Variants in LAMA2 observed in about 807,000 individuals in gnomAD.
The protein encoded by LAMA2 is laminin subunit alpha 2.
A neutral mutation model predicts 364.8 loss-of-function variants in LAMA2; 269 were observed. That is an observed-to-expected ratio of 0.74 (90% CI 0.67 to 0.82). The LOEUF (loss-of-function observed/expected upper bound fraction) is 0.82, where lower values mean the gene tolerates loss of function less well. Ranked by LOEUF, LAMA2 falls within the 40% of genes least tolerant of loss-of-function variation. The pLI, the probability that LAMA2 is intolerant of heterozygous loss-of-function variation, is 0.00. For missense variants in LAMA2, 3,807 were observed against 3,873.2 expected, an observed-to-expected ratio of 0.98 and a Z score of 0.45; for synonymous variants, 1,379 against 1,370.6, an observed-to-expected ratio of 1.01 and a Z score of -0.14.
At chr6:128,970,794 C>G (rs935090794) in intron 1 of LAMA2, among the ~76,000 whole-genome samples, 4 of 152,288 alleles carry the variant, frequency 2.6e-5, no homozygotes, top group Admixed American at 1.3e-4. Flanking sequence ...TCTACATGTA[C>G]TGCCTTTTAG....
chr6:129,412,152 T>C (rs1414617579), intron 40 of LAMA2, among the ~76,000 whole-genome samples: 2 of 152,318 alleles, frequency 1.3e-5, no homozygotes, highest in East Asian at 3.9e-4. Flanking sequence ...ATATATTATA[T>C]ATTTTAAAGA....
intron 1 of LAMA2, among the ~76,000 whole-genome samples, chr6:128,992,945 A>G (rs1783694886): frequency 6.6e-6 from 1 of 152,242 alleles, no homozygotes; most frequent in African/African-American, 2.4e-5. Context: ...GCTATCCAAA[A>G]GAAAAATGGA....
chr6:129,155,852 T>G (rs925623877), intron 8 of LAMA2, among the ~76,000 whole-genome samples: 4 of 152,070 alleles, frequency 2.6e-5, no homozygotes, highest in Non-Finnish European at 4.4e-5. Flanking sequence ...AGGGGCTTTT[T>G]TGTGTGTGTT....
chr6:129,122,402 A>G (rs538370788), intron 4 of LAMA2, among the ~76,000 whole-genome samples: 3 of 152,260 alleles, frequency 2.0e-5, no homozygotes, highest in East Asian at 3.9e-4. Flanking sequence ...CATTTTCACA[A>G]ACCATCTTAC....
chr6:129,221,936 G>A (rs1318646722), intron 12 of LAMA2, among the ~76,000 whole-genome samples: 1 of 152,166 alleles, frequency 6.6e-6, no homozygotes. Context: ...CTTAGTGATA[G>A]GTTCTCAGAT....
chr6:129,389,338 C>T lies in LAMA2; in HGVS notation c.5072-2153C>T, dbSNP rs140306180. Among the ~76,000 whole-genome samples the T allele has an allele frequency of 3.6e-3, 552 of 152,258 alleles. 2 individuals are homozygous for T. Among genetic ancestry groups the T allele is most frequent in the African/African-American group, 0.012 (518 of 41,546 alleles). On this transcript the variant is annotated intron_variant, in intron 35 of 64. Coordinates refer to ENST00000421865, the MANE Select transcript of LAMA2 (RefSeq NM_000426.4). Reference sequence around the variant, plus strand: ...GATTTTGTGCCTTATAACTGAAATGCATTTCTCATTTGTGAAGGCTGAGAG... The same window carrying T: ...GATTTTGTGCCTTATAACTGAAATGTATTTCTCATTTGTGAAGGCTGAGAG...
At chr6:129,186,896 G>C (rs1451335737) in intron 10 of LAMA2, among the ~76,000 whole-genome samples, 1 of 151,690 alleles carries the variant, frequency 6.6e-6, no homozygotes, top group African/African-American at 2.4e-5. Flanking sequence ...ATCCTCTTGA[G>C]GGCATTTTTA....
At chr6:129,308,560 T>C (rs1012755133) in intron 22 of LAMA2, among the ~76,000 whole-genome samples, 1 of 149,474 alleles carries the variant, frequency 6.7e-6, no homozygotes, top group South Asian at 2.1e-4. Context: ...GTTGACTGAA[T>C]TTTTTGATTA....
rs2114967814 is a variant in LAMA2, at chr6:129,149,003, AAC to A, written c.938_939del (p.Thr313MetfsTer4). 2 of 1,613,316 alleles carry A rather than the reference AAC, an allele frequency of 1.2e-6. No individual in the cohort carries two copies. Among genetic ancestry groups the A allele is most frequent in the Non-Finnish European group, 1.7e-6 (2 of 1,179,314 alleles). ...GAAATCTCGCTGTGAGTGTGAGCAT[AAC>A]ACATGTGGCGATAGCTGTGATCAGT... is the stretch of plus-strand genomic sequence containing the variant. The part of the protein sequence containing the change: ...TNKSRCECEH[N>X]TCGDSCDQCC... On this transcript the variant is annotated frameshift_variant, in exon 7 of 65. Transcript: ENST00000421865. LOFTEE classifies it high-confidence loss of function.
intron 32 of LAMA2, among the ~76,000 whole-genome samples, chr6:129,362,830 A>T (rs959073213): frequency 6.6e-6 from 1 of 152,126 alleles, no homozygotes; most frequent in Non-Finnish European, 1.5e-5. Context: ...AAAAAGTGAC[A>T]CTTGAGCACT....
chr6:129,177,401 T>C (rs1780659460), intron 9 of LAMA2, among the ~76,000 whole-genome samples: 1 of 152,220 alleles, frequency 6.6e-6, no homozygotes, highest in Non-Finnish European at 1.5e-5. Context: ...CATTAGCGTT[T>C]GTGGAAATTT....
chr6:129,384,366 C>A (rs928795319), intron 35 of LAMA2, among the ~76,000 whole-genome samples: 6 of 152,192 alleles, frequency 3.9e-5, no homozygotes, highest in Admixed American at 6.5e-5. Flanking sequence ...TCCCCAAAGG[C>A]CCTAGTCAAT....
intron 1 of LAMA2, among the ~76,000 whole-genome samples, chr6:128,888,756 T>G (rs946289782): frequency 2.0e-5 from 3 of 152,226 alleles, no homozygotes; most frequent in Non-Finnish European, 4.4e-5. Flanking sequence ...GACCTTAATT[T>G]TAAAGATTTT....
At chr6:128,982,874 T>G (rs1782981937) in intron 1 of LAMA2, among the ~76,000 whole-genome samples, 1 of 151,052 alleles carries the variant, frequency 6.6e-6, no homozygotes, top group African/African-American at 2.4e-5. Flanking sequence ...TGGTTTTTTG[T>G]CCTTGTGATA....
intron 40 of LAMA2, among the ~76,000 whole-genome samples, chr6:129,424,963 T>C (rs1038700861): frequency 1.3e-5 from 2 of 150,434 alleles, no homozygotes; most frequent in African/African-American, 2.5e-5. Flanking sequence ...CAAATATGGA[T>C]ACACACACAA....
intron 1 of LAMA2, among the ~76,000 whole-genome samples, chr6:128,896,397 C>T (rs1403654399): frequency 1.3e-5 from 2 of 151,410 alleles, no homozygotes; most frequent in Non-Finnish European, 2.9e-5. Context: ...AACATGTCCT[C>T]ACCCTCCTTC....
At chr6:129,033,938 A>T (rs1786419394) in intron 1 of LAMA2, among the ~76,000 whole-genome samples, 1 of 150,262 alleles carries the variant, frequency 6.7e-6, no homozygotes, top group Non-Finnish European at 1.5e-5. Context: ...CTTTGGGATG[A>T]TTTAGGATTG....
At chr6:129,296,316 A>T (rs183720244) in intron 20 of LAMA2, among the ~76,000 whole-genome samples, 154 of 152,028 alleles carry the variant, frequency 1.0e-3, no homozygotes, top group Non-Finnish European at 2.4e-4. Context: ...ACTAATAATG[A>T]TATTATATGG....
chr6:128,910,132 G>A lies in LAMA2; in HGVS notation c.112+26775G>A, dbSNP rs1223441268. ...TATGTGTCTTGGAGTTGCTTTTCTC[G>A]AGAAGTATCTTTGTGGCCTTCTCTG... On this transcript the variant is annotated intron_variant, in intron 1 of 64. Coordinates refer to ENST00000421865, the MANE Select transcript of LAMA2 (RefSeq NM_000426.4). 2.6e-5 allele frequency among the ~76,000 whole-genome samples: 4 copies of A among 151,954 alleles called. No individual in the cohort carries two copies. In the East Asian group the frequency reaches 5.8e-4, roughly 22 times the overall value.
Sources: gnomAD v4.1 joint callset for allele counts (sites outside exome capture counted in the v4.1 genomes callset) on GRCh38, gnomAD v4.1.1 for gene constraint, MANE v1.5 for transcripts, NCBI Gene and HGNC (gene_info 2026-07-23, HGNC 2026-07-21) for gene names.